Variants in NDUFAF6 observed in about 807,000 individuals in gnomAD.
NDUFAF6 encodes NADH:ubiquinone oxidoreductase complex assembly factor 6.
In NDUFAF6, 45 loss-of-function variants were observed where a neutral mutation model predicts 40.8. The observed-to-expected ratio is 1.10, with a 90% CI of 0.87 to 1.42. The LOEUF is 1.42. Among genes scored for constraint, NDUFAF6 ranks in the 40% most tolerant of loss-of-function variants. NDUFAF6 has a pLI of 0.00. For missense variants in NDUFAF6, 435 were observed against 418.5 expected (o/e 1.04, Z -0.34); for synonymous variants, 185 against 155.9 (o/e 1.19, Z -1.39).
intron 1 of NDUFAF6, among the ~76,000 whole-genome samples, chr8:94,920,633 C>T (rs939761729): frequency 1.3e-5 from 2 of 152,196 alleles, no homozygotes; most frequent in Admixed American, 1.3e-4. Context: ...TCCATCATGG[C>T]TGCTGTAGCC....
At chr8:95,031,969 C>T (rs1428999443) in intron 1 of NDUFAF6, 26 bp from the exon 2 acceptor site, 2 of 1,593,190 alleles carry the variant, frequency 1.3e-6, no homozygotes, top group Middle Eastern at 1.7e-4. Context: ...TGAAGAGTAA[C>T]TGTCTTTTTT....
chr8:95,024,593 T>G (rs1486657788), upstream of NDUFAF6, among the ~76,000 whole-genome samples: 1 of 152,252 alleles, frequency 6.6e-6, no homozygotes, highest in African/African-American at 2.4e-5. Flanking sequence ...ACAGCGCTAT[T>G]GCGCCCAAAG....
At chr8:94,998,578 A>G (rs939321141) in intron 2 of NDUFAF6, among the ~76,000 whole-genome samples, 4 of 152,174 alleles carry the variant, frequency 2.6e-5, no homozygotes, top group African/African-American at 9.7e-5. Context: ...TGCTATAGAC[A>G]TGGTGTGGGG....
chr8:95,035,615 A>G (rs778788909), intron 3 of NDUFAF6, 39 bp downstream of exon 3: 6 of 1,582,204 alleles, frequency 3.8e-6, no homozygotes, highest in Admixed American at 3.4e-5. Flanking sequence ...TTGTATGAAT[A>G]TTATTCGAGT....
chr8:95,021,541 T>C (rs1471173557), upstream of NDUFAF6, among the ~76,000 whole-genome samples: 2 of 152,168 alleles, frequency 1.3e-5, no homozygotes, highest in South Asian at 2.1e-4. Flanking sequence ...TGGCACGTGC[T>C]ACTGGTTGCT....
At chr8:95,046,925 C>G (rs1319752083) in intron 5 of NDUFAF6, 69 bp from the exon 6 acceptor site, 8 of 1,597,744 alleles carry the variant, frequency 5.0e-6, no homozygotes, top group East Asian at 2.2e-5. Context: ...GGTTATTTCT[C>G]TATGCTATTT....
In NDUFAF6 at chr8:95,041,643, C is replaced by A; in HGVS notation, c.477+17C>A. ...GATGAAAGAGTGAGTCAAAATTGTT[C>A]AAGTCTTAAGTTTTTTCTTCCTGTT... On this transcript the variant is annotated intron_variant, in intron 4 of 8. Transcript: ENST00000396124. 1.2e-6 allele frequency: 2 copies of A among 1,601,652 alleles called. No individual in the cohort carries two copies. Among genetic ancestry groups the A allele is most frequent in the South Asian group, 2.2e-5 (2 of 90,746 alleles).
chr8:94,951,178 A>G (rs991333101), intron 2 of NDUFAF6: 9 of 152,246 alleles, frequency 5.9e-5, no homozygotes, highest in African/African-American at 2.2e-4. Flanking sequence ...CCACCCTGCT[A>G]GCCACAGGGA....
chr8:95,010,658 G>A (rs1827189610), intron 2 of NDUFAF6, among the ~76,000 whole-genome samples: 1 of 152,166 alleles, frequency 6.6e-6, no homozygotes, highest in Admixed American at 6.5e-5. Flanking sequence ...CTATGCCTCA[G>A]AGAACAACTG....
chr8:94,941,220 T>C (rs1455220306), intron 1 of NDUFAF6: 1 of 288,344 alleles, frequency 3.5e-6, no homozygotes, highest in Non-Finnish European at 6.4e-6. Context: ...CTATTCCCTT[T>C]CTGCAGGAGT....
intron 1 of NDUFAF6, among the ~76,000 whole-genome samples, chr8:94,897,705 C>CT (rs1332111795): frequency 1.4e-4 from 7 of 50,552 alleles, no homozygotes; most frequent in African/African-American, 5.6e-4. Flanking sequence ...TTATTCTGTG[C>CT]CTTTTTTTTT....
chr8:95,035,516 T>C lies in NDUFAF6; in HGVS notation c.360T>C (p.Thr120=), dbSNP rs1563811040. 13 of 1,613,570 alleles carry C rather than the reference T, an allele frequency of 8.1e-6. No individual in the cohort carries two copies. Among genetic ancestry groups the C allele is most frequent in the Admixed American group, 1.7e-5 (1 of 59,966 alleles). Reference sequence around the variant, plus strand: ...TGCGAATGCAGTTTTGGAAAAAAACTGTGGAAGATATATACTGTGACAATC... The same window carrying C: ...TGCGAATGCAGTTTTGGAAAAAAACCGTGGAAGATATATACTGTGACAATC... ...GLMRMQFWKK[T]VEDIYCDNPP... Residue 120 remains threonine, a synonymous_variant, in exon 3 of 9, where the codon ACT becomes ACC. Coordinates refer to ENST00000396124, the MANE Select transcript of NDUFAF6 (RefSeq NM_152416.4).
Position 95,048,547 on chromosome 8 carries a change from C to A in NDUFAF6, c.805C>A (p.His269Asn). The A allele has an allele frequency of 6.2e-7, 1 of 1,613,680 alleles. No individual in the cohort carries two copies. Reference protein sequence around the residue: ...IYDIASQAHLHLKHARSFHKT... With the variant: ...IYDIASQAHLNLKHARSFHKT... Reference sequence around the variant, plus strand: ...TGACATTGCCAGTCAAGCACACTTGCACCTAAAGCATGTAAGTCGGCTTTT... The same window carrying A: ...TGACATTGCCAGTCAAGCACACTTGAACCTAAAGCATGTAAGTCGGCTTTT... The change falls in exon 7 of 9, where the codon CAC becomes AAC. Residue 269 changes from histidine to asparagine, a missense_variant. Physicochemically the swap from His to Asn is moderately conservative, Grantham distance 68. Transcript: ENST00000396124.
intron 2 of NDUFAF6, among the ~76,000 whole-genome samples, chr8:94,994,038 A>G (rs2131624015): frequency 6.6e-6 from 1 of 152,144 alleles, no homozygotes; most frequent in Non-Finnish European, 1.5e-5. Flanking sequence ...AATTTGGGAG[A>G]GTAAAGGGTA....
At position 94,930,699 on chromosome 8, in the gene NDUFAF6, T is replaced by C. The variant is rs201253664; in HGVS notation, c.-935-14784T>C. ...AAGAGCTGCAACATAACAATGAATA[T>C]GCTGCCCCATTTCATTTTGAGCTTC... On this transcript the variant is annotated intron_variant, in intron 1 of 14. Coordinates refer to the NDUFAF6 transcript ENST00000396113. 11 of 1,614,212 alleles carry C rather than the reference T, an allele frequency of 6.8e-6. No individual in the cohort carries two copies. The East Asian group carries it at 2.2e-4, about 33-fold the overall frequency.
upstream of NDUFAF6, among the ~76,000 whole-genome samples, chr8:95,024,761 G>T (rs1161207253): frequency 6.6e-6 from 1 of 152,234 alleles, no homozygotes; most frequent in African/African-American, 2.4e-5. Flanking sequence ...GTGGATGCAC[G>T]TGGGGGAAGG....
intron 1 of NDUFAF6, chr8:94,926,625 TAA>T (rs540860913): frequency 1.6e-3 from 250 of 152,272 alleles, no homozygotes; most frequent in African/African-American, 5.7e-3. Flanking sequence ...ACACAATTTT[TAA>T]AAGTGTCGTA....
intron 2 of NDUFAF6, among the ~76,000 whole-genome samples, chr8:94,994,858 A>G (rs1826352153): frequency 6.6e-6 from 1 of 152,176 alleles, no homozygotes; most frequent in Admixed American, 6.5e-5. Context: ...AAACAAGACA[A>G]GACAAAAACA....
chr8:95,064,175 T>C (rs1339723920), intron 9 of NDUFAF6, among the ~76,000 whole-genome samples: 2 of 151,344 alleles, frequency 1.3e-5, no homozygotes, highest in Non-Finnish European at 1.5e-5. Context: ...CACGCGTGAG[T>C]CCCTGCACCC....
Sources: gnomAD v4.1 joint callset for allele counts (sites outside exome capture counted in the v4.1 genomes callset) on GRCh38, gnomAD v4.1.1 for gene constraint, MANE v1.5 for transcripts, NCBI Gene and HGNC (gene_info 2026-07-23, HGNC 2026-07-21) for gene names.